SDCCAG8: variants seen among roughly 807,000 people sequenced by gnomAD.
SDCCAG8 encodes the protein serologically defined colon cancer antigen 8.
SDCCAG8 carries 74 observed loss-of-function variants against 101.8 expected under a neutral mutation model. That is an observed-to-expected ratio of 0.73 (90% CI 0.60 to 0.88). The LOEUF (loss-of-function observed/expected upper bound fraction) is 0.88, where lower values mean the gene tolerates loss of function less well. SDCCAG8 is among the 40% of genes least tolerant of loss of function. The pLI, the probability that SDCCAG8 is intolerant of heterozygous loss-of-function variation, is 0.00. For missense variants in SDCCAG8, 787 were observed against 822.6 expected (o/e 0.96, Z 0.53); for synonymous variants, 281 against 292.9 (o/e 0.96, Z 0.41).
intron 2 of SDCCAG8, 144 bp from the exon 3 acceptor site, chr1:243,270,834 T>A (rs76738178): frequency 1.5e-6 from 1 of 656,894 alleles, no homozygotes; most frequent in Admixed American, 2.8e-5. Flanking sequence ...TTTTTTTTTT[T>A]ATGTTGGTCT....
At chr1:243,368,591 A>G (rs2077118948) in intron 12 of SDCCAG8, among the ~76,000 whole-genome samples, 1 of 152,134 alleles carries the variant, frequency 6.6e-6, no homozygotes. Flanking sequence ...ATTCTCTTGG[A>G]TGATAGTTCA....
chr1:243,370,835 G>C (rs1435419030), intron 12 of SDCCAG8, among the ~76,000 whole-genome samples: 1 of 152,090 alleles, frequency 6.6e-6, no homozygotes, highest in East Asian at 1.9e-4. Context: ...TATTTGCTTA[G>C]AGTAAGGATT....
At chr1:243,303,465 A>G (rs1489683020) in intron 6 of SDCCAG8, among the ~76,000 whole-genome samples, 1 of 152,142 alleles carries the variant, frequency 6.6e-6, no homozygotes, top group Non-Finnish European at 1.5e-5. Flanking sequence ...TAACTCCTGC[A>G]TCTCTTCTGC....
chr1:243,335,332 G>A lies in SDCCAG8; in HGVS notation c.1221+4640G>A, dbSNP rs369013563. 4.6e-5 allele frequency among the ~76,000 whole-genome samples: 7 copies of A among 152,198 alleles called. No homozygotes were observed. The East Asian group carries it at 7.7e-4, about 17-fold the overall frequency. On this transcript the variant is annotated intron_variant, in intron 10 of 17. Coordinates refer to ENST00000366541, the MANE Select transcript of SDCCAG8 (RefSeq NM_006642.5). ...TAAGACATGGAAGGGAGATGAAGTT[G>A]CGAATTGAGTGTTGTGTGAGAGAGA... is the stretch of plus-strand genomic sequence containing the variant.
At chr1:243,390,476 C>G (rs2147941586) in intron 13 of SDCCAG8, among the ~76,000 whole-genome samples, 2 of 152,350 alleles carry the variant, frequency 1.3e-5, no homozygotes, top group African/African-American at 4.8e-5. Context: ...GTTTGAAGGG[C>G]TAAGAACCCT....
At chr1:243,352,004 T>A (rs1325097114) in intron 12 of SDCCAG8, among the ~76,000 whole-genome samples, 1 of 152,258 alleles carries the variant, frequency 6.6e-6, no homozygotes, top group Non-Finnish European at 1.5e-5. Context: ...AGTTGTTTTC[T>A]GAGGCAGGGT....
At chr1:243,446,823 G>A (rs2082943889) in intron 16 of SDCCAG8, among the ~76,000 whole-genome samples, 1 of 152,164 alleles carries the variant, frequency 6.6e-6, no homozygotes, top group East Asian at 1.9e-4. Context: ...GCTGCTTGGG[G>A]CTGCAGCCAG....
chr1:243,318,467 C>T (rs377490810), intron 9 of SDCCAG8: 2 of 650,026 alleles, frequency 3.1e-6, no homozygotes, highest in East Asian at 2.7e-4. Context: ...ATGAGTTTGC[C>T]TATGTAACAA....
At chr1:243,373,762 C>T (rs1343998246) in intron 12 of SDCCAG8, among the ~76,000 whole-genome samples, 2 of 152,092 alleles carry the variant, frequency 1.3e-5, no homozygotes, top group African/African-American at 4.8e-5. Context: ...TAAGGTATTC[C>T]ACTCTCAGTG....
At chr1:243,473,459 C>A (rs1661641630) in intron 16 of SDCCAG8, among the ~76,000 whole-genome samples, 1 of 152,034 alleles carries the variant, frequency 6.6e-6, no homozygotes, top group Non-Finnish European at 1.5e-5. Flanking sequence ...TCTTTTAATT[C>A]TGAGCTGCAT....
At chr1:243,379,003 TGTG>T in intron 13 of SDCCAG8, 140 bp downstream of exon 13, 1 of 1,085,080 alleles carries the variant, frequency 9.2e-7, no homozygotes. Context: ...AAAGTGGAGA[TGTG>T]GTAAGCAAAA....
Position 243,270,267 on chromosome 1 carries a change from A to G in SDCCAG8, c.220+10A>G. ...CAACAGAGCCATGCTGGTGAGTGTG[A>G]ATGTCAATCCTAGTCTGAATGATGC... On this transcript the variant is annotated intron_variant, in intron 2 of 17. Coordinates refer to ENST00000366541, the MANE Select transcript of SDCCAG8 (RefSeq NM_006642.5). 1.9e-6 allele frequency: 3 copies of G among 1,613,658 alleles called. No individual in the cohort carries two copies. In the East Asian group the frequency reaches 6.7e-5, roughly 36 times the overall value.
In SDCCAG8 at chr1:243,344,294, G is replaced by A; in HGVS notation, c.1436G>A (p.Arg479Lys). The change falls in exon 12 of 18, where the codon AGA becomes AAA. Residue 479 changes from arginine (R) to lysine (K), a missense_variant. Physicochemically the swap from Arg to Lys is conservative, Grantham distance 26. Transcript: ENST00000366541. ...DEAEKEHREFRAKTNRDLEIK... is the reference protein window; with the variant it reads ...DEAEKEHREFKAKTNRDLEIK... The stretch of plus-strand genomic sequence containing the variant: ...GCAGAAAAGGAGCACAGAGAGTTCA[G>A]AGCAAAAACTAACAGGGATCTTGAA... 1 of 1,613,952 alleles carries A rather than the reference G, an allele frequency of 6.2e-7. No homozygotes were observed. Among genetic ancestry groups the A allele is most frequent in the Non-Finnish European group, 8.5e-7 (1 of 1,179,894 alleles).
intron 9 of SDCCAG8, among the ~76,000 whole-genome samples, chr1:243,320,651 T>G (rs1347422939): frequency 1.5e-4 from 23 of 152,228 alleles, no homozygotes; most frequent in Admixed American, 1.5e-3. Flanking sequence ...TTAACTTCTC[T>G]GTGCCCCAGT....
At chr1:243,306,084 T>TAA (rs67568926) in intron 7 of SDCCAG8, 1,288 of 107,958 alleles carry the variant, frequency 0.012, 18 homozygotes, top group East Asian at 0.027. Context: ...AGACTCCATC[T>TAA]AAAAAAAAAA....
intron 9 of SDCCAG8, 148 bp from the exon 10 acceptor site, chr1:243,330,392 G>A (rs2074500987): frequency 8.6e-6 from 6 of 701,348 alleles, no homozygotes; most frequent in Non-Finnish European, 1.5e-5. Flanking sequence ...AGGTCAATAA[G>A]TGGTATTGAT....
chr1:243,428,372 T>A (rs2081482887), intron 16 of SDCCAG8, among the ~76,000 whole-genome samples: 1 of 152,184 alleles, frequency 6.6e-6, no homozygotes, highest in Non-Finnish European at 1.5e-5. Context: ...TCTAATGGAG[T>A]ATACATCCTT....
In SDCCAG8 at chr1:243,415,814, C is replaced by T; in HGVS notation, c.1729C>T (p.Gln577Ter). The change falls in exon 14 of 18, where the codon CAG (glutamine) becomes TAG (stop). Residue 577 changes from glutamine (Q) to a stop codon, truncating the protein, a stop_gained. Transcript: ENST00000366541. LOFTEE classifies it high-confidence loss of function. ...LTQKIQQMEAQHDKTENEQYL... is the reference protein window; with the variant it reads ...LTQKIQQMEA The stretch of plus-strand genomic sequence containing the variant: ...ACAGAAGATACAGCAAATGGAGGCC[C>T]AGCATGACAAAACTGGTAGGTGGTA... 6.2e-7 allele frequency: 1 copy of T among 1,613,480 alleles called. No individual in the cohort carries two copies. The highest frequency in any genetic ancestry group is 8.5e-7 in the Non-Finnish European group (1 of 1,179,694).
At chr1:243,472,914 C>T (rs1661532422) in intron 16 of SDCCAG8, among the ~76,000 whole-genome samples, 1 of 152,176 alleles carries the variant, frequency 6.6e-6, no homozygotes, top group African/African-American at 2.4e-5. Context: ...ACATAAATGT[C>T]CACCAGAAAT....
Sources: allele counts gnomAD v4.1 joint callset (sites outside exome capture counted in the v4.1 genomes callset), GRCh38; gene constraint gnomAD v4.1.1; transcripts MANE v1.5; gene names NCBI Gene and HGNC (gene_info 2026-07-23, HGNC 2026-07-21).